The following UNC13C variants were observed in gnomAD, a reference collection of about 807,000 sequenced individuals.
UNC13C encodes the protein protein unc-13 homolog C.
UNC13C carries 174 observed loss-of-function variants against 245.4 expected under a neutral mutation model. The ratio of observed to expected loss-of-function variants is 0.71; its 90% CI spans 0.63 to 0.80. UNC13C has a LOEUF of 0.80. UNC13C is among the 30% of genes least tolerant of loss of function. The pLI, the probability that UNC13C is intolerant of heterozygous loss-of-function variation, is 0.00. For missense variants in UNC13C, 2,829 were observed against 2,602.9 expected (o/e 1.09, Z -1.89); for synonymous variants, 992 against 895.1 (o/e 1.11, Z -1.93).
intron 7 of UNC13C, among the ~76,000 whole-genome samples, chr15:54,248,894 T>C (rs1271916288): frequency 6.6e-6 from 1 of 152,186 alleles, no homozygotes; most frequent in Non-Finnish European, 1.5e-5. Flanking sequence ...AATGTAGTAA[T>C]AAAGGGAAAT....
rs74016046 is a variant in UNC13C, at chr15:53,980,901, G to A, written c.-257+1974G>A. 1.9e-3 allele frequency among the ~76,000 whole-genome samples: 296 copies of A among 152,262 alleles called. 1 individual carries two copies. Among genetic ancestry groups the A allele is most frequent in the African/African-American group, 6.7e-3 (280 of 41,548 alleles). ...TAATCTTTAAATGTGAAGCAATATA[G>A]TTTGTGGTGCACAGAACTAGTTGCT... On this transcript the variant is annotated intron_variant, in intron 1 of 32. Coordinates refer to ENST00000260323, the MANE Select transcript of UNC13C (RefSeq NM_001080534.3).
intron 31 of UNC13C, 95 bp downstream of exon 31, chr15:54,622,514 T>A: frequency 9.9e-7 from 1 of 1,014,524 alleles, no homozygotes; most frequent in Non-Finnish European, 1.5e-6. Flanking sequence ...TTAAAAAAAC[T>A]GCACAATTAT....
chr15:54,201,138 C>A (rs1274832686), intron 4 of UNC13C, among the ~76,000 whole-genome samples: 1 of 151,934 alleles, frequency 6.6e-6, no homozygotes, highest in Non-Finnish European at 1.5e-5. Flanking sequence ...TCTGAACAGA[C>A]CAATAACAAG....
At chr15:54,002,497 AG>A (rs1223509376) in intron 1 of UNC13C, among the ~76,000 whole-genome samples, 1 of 152,174 alleles carries the variant, frequency 6.6e-6, no homozygotes, top group Non-Finnish European at 1.5e-5. Context: ...ACAGAGGAGC[AG>A]GTAATTTGTT....
intron 2 of UNC13C, among the ~76,000 whole-genome samples, chr15:54,109,469 G>A (rs1214361996): frequency 6.7e-6 from 1 of 150,192 alleles, no homozygotes; most frequent in African/African-American, 2.5e-5. Context: ...AGCCTCCCAA[G>A]TAGCTGAGAT....
chr15:54,572,671 C>G (rs1460408175), intron 30 of UNC13C, among the ~76,000 whole-genome samples: 1 of 151,972 alleles, frequency 6.6e-6, no homozygotes, highest in Non-Finnish European at 1.5e-5. Flanking sequence ...GGTGATCTGC[C>G]CACGTCAGCC....
At chr15:54,569,297 T>A (rs1256906423) in intron 30 of UNC13C, among the ~76,000 whole-genome samples, 1 of 152,112 alleles carries the variant, frequency 6.6e-6, no homozygotes, top group Non-Finnish European at 1.5e-5. Flanking sequence ...GATAACAAAA[T>A]TTATGGATGC....
At chr15:54,611,817 T>C (rs1427549685) in intron 30 of UNC13C, among the ~76,000 whole-genome samples, 3 of 152,134 alleles carry the variant, frequency 2.0e-5, no homozygotes, top group African/African-American at 7.2e-5. Flanking sequence ...TATAAAGATA[T>C]TACTCAAAAA....
chr15:54,602,828 A>G (rs567608958), intron 30 of UNC13C, among the ~76,000 whole-genome samples: 5 of 11,236 alleles, frequency 4.4e-4, no homozygotes, highest in Admixed American at 3.7e-3. Flanking sequence ...GGATCCTTGG[A>G]CATCAGTTTC....
chr15:54,304,125 C>T (rs1443325849), intron 13 of UNC13C, among the ~76,000 whole-genome samples: 4 of 151,912 alleles, frequency 2.6e-5, no homozygotes, highest in Non-Finnish European at 5.9e-5. Flanking sequence ...CTGCTTAGCT[C>T]TGCAGTACTA....
chr15:54,612,767 G>A (rs1900189572), intron 30 of UNC13C, among the ~76,000 whole-genome samples: 3 of 151,934 alleles, frequency 2.0e-5, no homozygotes, highest in Admixed American at 2.0e-4. Context: ...CTCCAAATAT[G>A]AATGAGGTTT....
chr15:53,948,046 G>A, the UNC13C span: 1 of 152,128 alleles, frequency 6.6e-6, no homozygotes, highest in African/African-American at 2.4e-5. Context: ...ATATTCTTAA[G>A]GTAAATGAAC....
At chr15:54,486,250 A>AACACACAC (rs59221050) in intron 19 of UNC13C, among the ~76,000 whole-genome samples, 8,736 of 131,906 alleles carry the variant, frequency 0.066, 403 homozygotes, top group East Asian at 0.12. Flanking sequence ...GATCTATTAA[A>AACACACAC]ACACACACAC....
At chr15:54,296,425 A>G (rs964341209) in intron 11 of UNC13C, among the ~76,000 whole-genome samples, 4 of 139,826 alleles carry the variant, frequency 2.9e-5, no homozygotes, top group Admixed American at 1.5e-4. Flanking sequence ...TCACCGTGTT[A>G]GCCAGAATGG....
chr15:54,449,442 A>T (rs962397073), intron 19 of UNC13C, among the ~76,000 whole-genome samples: 4 of 152,184 alleles, frequency 2.6e-5, no homozygotes, highest in African/African-American at 9.7e-5. Flanking sequence ...CTTTTCGCAC[A>T]GTCCCATATT....
At chr15:54,622,162 G>A (rs945708970) in intron 30 of UNC13C, among the ~76,000 whole-genome samples, 165 bp from the exon 31 acceptor site, 1 of 152,082 alleles carries the variant, frequency 6.6e-6, no homozygotes, top group Non-Finnish European at 1.5e-5. Flanking sequence ...CTTCAAACTT[G>A]CATTTCATAC....
intron 24 of UNC13C, among the ~76,000 whole-genome samples, chr15:54,516,655 C>T (rs572013153): frequency 4.6e-5 from 7 of 152,068 alleles, no homozygotes; most frequent in Admixed American, 2.6e-4. Context: ...CAAAAATTAG[C>T]CAGGCATGGT....
At chr15:54,541,079 C>T (rs1033442370) in intron 26 of UNC13C, among the ~76,000 whole-genome samples, 15 of 151,980 alleles carry the variant, frequency 9.9e-5, no homozygotes, top group South Asian at 4.1e-4. Flanking sequence ...TTACAGGAGC[C>T]GGAGTTCCAC....
the UNC13C span, among the ~76,000 whole-genome samples, chr15:53,864,377 A>G: frequency 6.6e-6 from 1 of 152,158 alleles, no homozygotes; most frequent in African/African-American, 2.4e-5. Flanking sequence ...AGACAGGCAA[A>G]ATCAACCAAT....
Sources: gnomAD v4.1 joint callset for allele counts (sites outside exome capture counted in the v4.1 genomes callset) on GRCh38, gnomAD v4.1.1 for gene constraint, MANE v1.5 for transcripts, NCBI Gene and HGNC (gene_info 2026-07-23, HGNC 2026-07-21) for gene names.